Variants in MYO1B observed in about 807,000 individuals in gnomAD.
MYO1B encodes myosin IB.
In MYO1B, 72 loss-of-function variants were observed where a neutral mutation model predicts 159.7. That is an observed-to-expected ratio of 0.45 (90% confidence interval 0.37 to 0.55). The LOEUF is 0.55. Among genes scored for constraint, MYO1B ranks in the 20% least tolerant of loss-of-function variants. MYO1B has a pLI of 0.00. For synonymous variants in MYO1B, 468 were observed against 473.8 expected (o/e 0.99, Z 0.16); for missense variants, 1,062 against 1,364.8 (o/e 0.78, Z 3.50).
chr2:191,396,776 C>T (rs867507972), intron 21 of MYO1B, among the ~76,000 whole-genome samples: 29 of 152,266 alleles, frequency 1.9e-4, no homozygotes, highest in African/African-American at 6.3e-4. Flanking sequence ...CCCTTTGCCC[C>T]GTGTTTTCGA....
At position 191,392,248 on chromosome 2, in the gene MYO1B, T is replaced by C. The variant is rs750178463; in HGVS notation, c.2076+47T>C. The C allele has an allele frequency of 3.5e-6, 5 of 1,409,724 alleles. No homozygotes were observed. The Admixed American group carries it at 5.4e-5, about 15-fold the overall frequency. 87.3% of individuals were successfully genotyped at this position (1,409,724 alleles called of 1,614,324 possible). On this transcript the variant is annotated intron_variant, in intron 19 of 30. Coordinates refer to ENST00000392318, the MANE Select transcript of MYO1B (RefSeq NM_001130158.3). The stretch of plus-strand genomic sequence containing the variant: ...ACTCTGAACTTAAGTTGGAATCGTA[T>C]AGGAAAGTTCTTAAAATATGTTTAA...
rs767783290 is a variant in MYO1B at position 191,362,331 on chromosome 2, T to A, written c.725T>A (p.Val242Glu). Reference protein sequence around the residue: ...YNYLSLDSAKVNGVDDAANFR... With the variant: ...YNYLSLDSAKENGVDDAANFR... Reference sequence around the variant, plus strand: ...TACCTGAGTCTGGATTCGGCCAAAGTGAATGGAGTGGATGATGCAGCAAAT... The same window carrying A: ...TACCTGAGTCTGGATTCGGCCAAAGAGAATGGAGTGGATGATGCAGCAAAT... Residue 242 changes from valine (V) to glutamate (E), a missense_variant, in exon 9 of 31, where the codon GTG (valine) becomes GAG (glutamate). By Grantham distance (121) the Val-to-Glu change is moderately radical. This residue lies in a region of MYO1B where 415 missense variants were observed against 544.0 expected (regional missense o/e 0.76). Coordinates refer to ENST00000392318, the MANE Select transcript of MYO1B (RefSeq NM_001130158.3). The A allele has an allele frequency of 4.3e-6, 7 of 1,613,902 alleles. No individual in the cohort carries two copies. The highest frequency in any genetic ancestry group is 5.9e-6 in the Non-Finnish European group (7 of 1,179,848).
At chr2:191,359,429 A>G (rs1693521581) in intron 7 of MYO1B, among the ~76,000 whole-genome samples, 1 of 151,668 alleles carries the variant, frequency 6.6e-6, no homozygotes, top group Non-Finnish European at 1.5e-5. Context: ...AAAAATCTGC[A>G]GCATCCTGCG....
At chr2:191,284,475 G>A (rs1688247113) in intron 2 of MYO1B, among the ~76,000 whole-genome samples, 1 of 152,124 alleles carries the variant, frequency 6.6e-6, no homozygotes, top group African/African-American at 2.4e-5. Flanking sequence ...CCCATAAAAT[G>A]GTCATCGTGG....
intron 2 of MYO1B, among the ~76,000 whole-genome samples, chr2:191,294,342 T>C (rs1169448869): frequency 6.6e-6 from 1 of 152,212 alleles, no homozygotes; most frequent in African/African-American, 2.4e-5. Flanking sequence ...GAAACTATTG[T>C]ATTCAAGAAA....
At chr2:191,276,071 T>G (rs1238069033) in intron 1 of MYO1B, among the ~76,000 whole-genome samples, 1 of 152,218 alleles carries the variant, frequency 6.6e-6, no homozygotes, top group Non-Finnish European at 1.5e-5. Flanking sequence ...AACTGTAGTA[T>G]TTCTGGTCTG....
intron 11 of MYO1B, among the ~76,000 whole-genome samples, chr2:191,368,315 T>G (rs1694139832): frequency 6.6e-6 from 1 of 152,212 alleles, no homozygotes; most frequent in Admixed American, 6.5e-5. Context: ...AATACACACA[T>G]ACGGCCAGCA....
chr2:191,279,571 A>G (rs1205194662), intron 2 of MYO1B, among the ~76,000 whole-genome samples: 1 of 152,176 alleles, frequency 6.6e-6, no homozygotes, highest in African/African-American at 2.4e-5. Context: ...CCAGCCCCAC[A>G]TGCCATGTAT....
chr2:191,309,914 G>T (rs908781157), intron 3 of MYO1B, among the ~76,000 whole-genome samples: 1 of 152,156 alleles, frequency 6.6e-6, no homozygotes, highest in Non-Finnish European at 1.5e-5. Flanking sequence ...TACCATCCCT[G>T]TATCCATAGT....
At chr2:191,295,873 T>C (rs1402738879) in intron 2 of MYO1B, among the ~76,000 whole-genome samples, 1 of 152,172 alleles carries the variant, frequency 6.6e-6, no homozygotes, top group Non-Finnish European at 1.5e-5. Context: ...TTCAGAGATA[T>C]ACTTTGAAAG....
chr2:191,377,884 A>G (rs187770685), intron 13 of MYO1B: 1 of 152,218 alleles, frequency 6.6e-6, no homozygotes, highest in African/African-American at 2.4e-5. Context: ...AGGATCATCT[A>G]GGTGACCCAT....
chr2:191,395,040 T>G (rs1695986116), intron 20 of MYO1B, among the ~76,000 whole-genome samples: 1 of 152,256 alleles, frequency 6.6e-6, no homozygotes, highest in African/African-American at 2.4e-5. Context: ...TGAATGCTCC[T>G]TTTTAGTTGC....
At chr2:191,392,872 T>C (rs1695840581) in intron 19 of MYO1B, among the ~76,000 whole-genome samples, 1 of 152,176 alleles carries the variant, frequency 6.6e-6, no homozygotes, top group Admixed American at 6.5e-5. Context: ...GAATAAAAAT[T>C]GTAAGTCTTT....
intron 17 of MYO1B, 42 bp from the exon 18 acceptor site, chr2:191,390,250 A>G (rs753979632): frequency 1.3e-6 from 2 of 1,566,348 alleles, no homozygotes; most frequent in South Asian, 1.1e-5. Flanking sequence ...AATTATATCC[A>G]TAGGAGGCAG....
At chr2:191,381,185 C>A (rs1265062474) in intron 13 of MYO1B, 1 of 441,084 alleles carries the variant, frequency 2.3e-6, no homozygotes, top group African/African-American at 2.0e-5. Flanking sequence ...GAGATTGTTT[C>A]TAGCTTTTCT....
chr2:191,258,115 G>A (rs907071158), intron 1 of MYO1B, among the ~76,000 whole-genome samples: 1 of 152,090 alleles, frequency 6.6e-6, no homozygotes, highest in Non-Finnish European at 1.5e-5. Flanking sequence ...GGGCAATTTT[G>A]TCATTGCGCA....
At chr2:191,398,427 C>CG (rs1458621354) in intron 21 of MYO1B, among the ~76,000 whole-genome samples, 1 of 121,262 alleles carries the variant, frequency 8.2e-6, no homozygotes, top group African/African-American at 2.6e-5. Context: ...GGGCTGACCC[C>CG]CCCCCACCTC....
chr2:191,286,872 A>C (rs557989797), intron 2 of MYO1B, among the ~76,000 whole-genome samples: 2 of 152,280 alleles, frequency 1.3e-5, no homozygotes, highest in East Asian at 3.9e-4. Flanking sequence ...TCGGGGCTGC[A>C]GTGAGCCAGG....
intron 1 of MYO1B, among the ~76,000 whole-genome samples, chr2:191,273,355 T>C (rs1272984546): frequency 6.6e-6 from 1 of 152,142 alleles, no homozygotes; most frequent in Admixed American, 6.5e-5. Context: ...ACTCCTGACC[T>C]CAAATGATCC....
Sources: allele counts gnomAD v4.1 joint callset (sites outside exome capture counted in the v4.1 genomes callset), GRCh38; gene constraint gnomAD v4.1.1; regional missense constraint gnomAD v4.1.1; transcripts MANE v1.5; gene names NCBI Gene and HGNC (gene_info 2026-07-23, HGNC 2026-07-21).